The following ATP8B1 variants were observed in gnomAD, a reference collection of about 807,000 sequenced individuals.
ATP8B1 encodes the protein phospholipid-transporting ATPase IC.
In ATP8B1, 80 loss-of-function variants were observed where a neutral mutation model predicts 149.9. The observed-to-expected ratio is 0.53, with a 90% CI of 0.45 to 0.64. The LOEUF is 0.64. ATP8B1 is among the 30% of genes least tolerant of loss of function. The pLI, the probability that ATP8B1 is intolerant of heterozygous loss-of-function variation, is 0.00. For synonymous variants in ATP8B1, 536 were observed against 562.8 expected (o/e 0.95, Z 0.67); for missense variants, 1,247 against 1,552.6 (o/e 0.80, Z 3.31).
chr18:57,801,238 A>G (rs1367462608), intron 1 of ATP8B1, among the ~76,000 whole-genome samples: 1 of 152,224 alleles, frequency 6.6e-6, no homozygotes, highest in African/African-American at 2.4e-5. Context: ...TAACCCACGC[A>G]AAGAATCACT....
intron 1 of ATP8B1, among the ~76,000 whole-genome samples, chr18:57,748,045 T>C (rs1451229851): frequency 6.6e-6 from 1 of 152,138 alleles, no homozygotes; most frequent in Non-Finnish European, 1.5e-5. Context: ...ACAGGTCAAA[T>C]ATAAGGAGTG....
intron 1 of ATP8B1, among the ~76,000 whole-genome samples, chr18:57,788,005 C>A (rs2080426636): frequency 6.6e-6 from 1 of 151,522 alleles, no homozygotes; most frequent in African/African-American, 2.4e-5. Context: ...GCACTCCAGC[C>A]TGGGCAACAG....
At chr18:57,705,717 C>T (rs1913356166) in intron 3 of ATP8B1, among the ~76,000 whole-genome samples, 1 of 152,208 alleles carries the variant, frequency 6.6e-6, no homozygotes, top group South Asian at 2.1e-4. Flanking sequence ...ACCCTGCCAA[C>T]ACCAAGATTT....
chr18:57,753,659 G>C (rs1359163426), intron 1 of ATP8B1, among the ~76,000 whole-genome samples: 2 of 152,204 alleles, frequency 1.3e-5, no homozygotes, highest in East Asian at 3.8e-4. Context: ...CGGGCACAGT[G>C]GCTCACGCCT....
intron 22 of ATP8B1, among the ~76,000 whole-genome samples, chr18:57,660,739 G>A (rs898005870): frequency 5.3e-5 from 8 of 152,014 alleles, no homozygotes; most frequent in Admixed American, 4.6e-4. Context: ...GGCTGGTCTC[G>A]AACTCCTGAC....
chr18:57,733,680 C>T (rs2929063), intron 1 of ATP8B1, among the ~76,000 whole-genome samples: 143,894 of 146,314 alleles, frequency 0.98, 70,792 homozygotes, highest in East Asian at 1. Context: ...CACTCCAGCC[C>T]GGGCGACAGA....
intron 1 of ATP8B1, among the ~76,000 whole-genome samples, chr18:57,794,463 T>TA (rs58976028): frequency 0.02 from 2,209 of 110,412 alleles, 63 homozygotes; most frequent in African/African-American, 0.059. Flanking sequence ...AACCTGACAT[T>TA]AAAAAAAAAA....
At chr18:57,672,748 C>A (rs1294612220) in intron 16 of ATP8B1, among the ~76,000 whole-genome samples, 1 of 150,252 alleles carries the variant, frequency 6.7e-6, no homozygotes, top group Non-Finnish European at 1.5e-5. Context: ...TGCCTGTAAT[C>A]CCAGCTACTC....
At chr18:57,763,285 G>C (rs1303691209) in intron 1 of ATP8B1, among the ~76,000 whole-genome samples, 1 of 152,026 alleles carries the variant, frequency 6.6e-6, no homozygotes, top group Non-Finnish European at 1.5e-5. Flanking sequence ...CCAGCTACTA[G>C]GGAGGCTAAG....
intron 1 of ATP8B1, among the ~76,000 whole-genome samples, chr18:57,792,066 C>G (rs1355383105): frequency 6.6e-6 from 1 of 152,122 alleles, no homozygotes; most frequent in African/African-American, 2.4e-5. Context: ...CACTGTGGAC[C>G]ATGTAATCAA....
At position 57,674,838 on chromosome 18, in the gene ATP8B1, G is replaced by A. The variant is rs375054776; in HGVS notation, c.1815C>T (p.Ile605=). The A allele has an allele frequency of 6.2e-7, 1 of 1,613,990 alleles. No individual in the cohort carries two copies. The highest frequency in any genetic ancestry group is 8.5e-7 in the Non-Finnish European group (1 of 1,179,930). The change falls in exon 16 of 28, where the codon ATC becomes ATT. Residue 605 remains isoleucine, a synonymous_variant. Coordinates refer to ENST00000648908, the MANE Select transcript of ATP8B1 (RefSeq NM_001374385.1). ...DFNSDRKRMS[I]IVRTPEGNIK... ...CAGACTCTGAGGGGGACTTACCAATGATAGACATTCGCTTCCGGTCACTGT... is the reference window on the plus strand; with the variant it reads ...CAGACTCTGAGGGGGACTTACCAATAATAGACATTCGCTTCCGGTCACTGT...
At chr18:57,753,937 AAAAAAAAAAAAGAAAGAAAGAAAAG>A (rs1200065525) in intron 1 of ATP8B1, among the ~76,000 whole-genome samples, 21,477 of 88,162 alleles carry the variant, frequency 0.24, 1,833 homozygotes, top group African/African-American at 0.4. Context: ...GTCTCAAAAA[AAAAAAAAAAAAGAAAGAAAGAAAAG>A]AAAAAAAAAA....
chr18:57,775,016 A>T (rs9949173), intron 1 of ATP8B1, among the ~76,000 whole-genome samples: 82,584 of 151,570 alleles, frequency 0.54, 23,651 homozygotes, highest in African/African-American at 0.63. Flanking sequence ...GAGAAAGAGA[A>T]GGAAGGAGAG....
At chr18:57,768,586 CAA>C (rs5825235) in intron 1 of ATP8B1, among the ~76,000 whole-genome samples, 8 of 96,968 alleles carry the variant, frequency 8.3e-5, no homozygotes, top group Admixed American at 1.2e-4. Flanking sequence ...GTTTACATGC[CAA>C]AAAAAAAAAA....
chr18:57,719,501 ACG>A (rs1568210447), intron 2 of ATP8B1, among the ~76,000 whole-genome samples: 108 of 152,284 alleles, frequency 7.1e-4, no homozygotes, highest in African/African-American at 2.5e-3. Flanking sequence ...GGGGTGACGG[ACG>A]CACCTGGAAA....
In ATP8B1 at chr18:57,652,695, C is replaced by G; in HGVS notation, c.3050G>C (p.Gly1017Ala). The change falls in exon 25 of 28, where the codon GGG (glycine) becomes GCG (alanine). Residue 1017 changes from glycine (G) to alanine (A), a missense_variant. By Grantham distance (60) the Gly-to-Ala change is moderately conservative (BLOSUM62 0). This residue lies in a region of ATP8B1 where 230 missense variants were observed against 356.6 expected (regional missense o/e 0.65). Transcript: ENST00000648908. ...VSDKLSLRFP[G>A]LYIVGQRDLL... ...GTCTCTTTGTCCCACTATGTATAAC[C>G]CAGGGAATCGGAGGCTCAGTTTGTC... 6.2e-7 allele frequency: 1 copy of G among 1,614,066 alleles called. No individual in the cohort carries two copies. Among genetic ancestry groups the G allele is most frequent in the South Asian group, 1.1e-5 (1 of 91,068 alleles).
At chr18:57,706,650 G>T in intron 2 of ATP8B1, 63 bp from the exon 3 acceptor site, 9 of 1,317,638 alleles carry the variant, frequency 6.8e-6, no homozygotes, top group Non-Finnish European at 9.7e-6. Flanking sequence ...GAGTTGAATT[G>T]TGTCTTCCCC....
intron 1 of ATP8B1, among the ~76,000 whole-genome samples, chr18:57,748,306 G>T (rs936563375): frequency 2.0e-5 from 3 of 152,156 alleles, no homozygotes; most frequent in Non-Finnish European, 4.4e-5. Flanking sequence ...CTTTGCCCAA[G>T]GACATATAAG....
At chr18:57,691,490 T>C (rs559304652) in intron 12 of ATP8B1, among the ~76,000 whole-genome samples, 1 of 152,332 alleles carries the variant, frequency 6.6e-6, no homozygotes, top group East Asian at 1.9e-4. Context: ...TCCCAGTCCC[T>C]TTCTGAAGTC....
Sources: gnomAD v4.1 joint callset for allele counts (sites outside exome capture counted in the v4.1 genomes callset) on GRCh38, gnomAD v4.1.1 for gene constraint, gnomAD v4.1.1 regional missense constraint, MANE v1.5 for transcripts, NCBI Gene and HGNC (gene_info 2026-07-23, HGNC 2026-07-21) for gene names.